Variants in PDK3 observed in about 807,000 individuals in gnomAD.
The protein encoded by PDK3 is pyruvate dehydrogenase kinase, isozyme 3.
A neutral mutation model predicts 32.0 loss-of-function variants in PDK3; 12 were observed. That is an observed-to-expected ratio of 0.37 (90% confidence interval 0.24 to 0.61). The LOEUF (loss-of-function observed/expected upper bound fraction) is 0.61, where lower values mean the gene tolerates loss of function less well. PDK3 is among the 20% of genes least tolerant of loss of function. PDK3 has a pLI of 0.65. For missense variants in PDK3, 188 were observed against 316.9 expected (o/e 0.59, Z 3.09); for synonymous variants, 122 against 116.3 (o/e 1.05, Z -0.31).
intron 1 of PDK3, among the ~76,000 whole-genome samples, chrX:24,489,280 A>G (rs182213359): frequency 2.4e-4 from 27 of 112,290 alleles, no homozygotes; most frequent in African/African-American, 8.4e-4. Flanking sequence ...TTATCCTCCT[A>G]TTTAAGCTGA....
intron 5 of PDK3, 27 bp from the exon 6 acceptor site, chrX:24,518,906 C>G: frequency 6.7e-6 from 7 of 1,042,695 alleles, no homozygotes; most frequent in Non-Finnish European, 9.3e-6. Flanking sequence ...ATTAGTACAG[C>G]AGCTAAACTT....
Position 24,503,003 on chromosome X carries a change from AC to A in PDK3, c.321-323del, listed in dbSNP as rs1212788214. The stretch of plus-strand genomic sequence containing the variant: ...GATATGTTCTGCAATTCTTTATTCA[AC>A]TTTTATAGAACCTGTGTTATATGCA... On this transcript the variant is annotated intron_variant, in intron 3 of 10. Coordinates refer to ENST00000379162, the MANE Select transcript of PDK3 (RefSeq NM_005391.5). Among the ~76,000 whole-genome samples, 4 of 109,234 alleles carry A rather than the reference AC, an allele frequency of 3.7e-5. No individual in the cohort carries two copies. In the East Asian group the frequency reaches 1.1e-3, roughly 31 times the overall value. The allele number at this position is 109,234 out of a possible 115,157, so 94.9% of individuals were successfully genotyped here.
downstream of PDK3, among the ~76,000 whole-genome samples, chrX:24,536,854 A>G (rs1192840435): frequency 1.8e-5 from 2 of 111,176 alleles, no homozygotes; most frequent in African/African-American, 6.5e-5. Flanking sequence ...CACATAGTCT[A>G]TACTCTTTTT....
At chrX:24,534,600 C>A (rs1320605379), downstream of PDK3, among the ~76,000 whole-genome samples, 1 of 112,370 alleles carries the variant, frequency 8.9e-6, no homozygotes, top group Non-Finnish European at 1.9e-5. Context: ...GATGCTTGCA[C>A]AACAGCGTGA....
In PDK3 at chrX:24,528,597, G is replaced by A. The variant is rs557680447; in HGVS notation, c.963+411G>A. On this transcript the variant is annotated intron_variant, in intron 9 of 10. Coordinates refer to ENST00000379162, the MANE Select transcript of PDK3 (RefSeq NM_005391.5). The stretch of plus-strand genomic sequence containing the variant: ...TCTGGCGTGCGTACCACAGAGGCGC[G>A]AATCACCTAGTGCCTTGGAATCTCC... 6.2e-5 allele frequency among the ~76,000 whole-genome samples: 7 copies of A among 112,697 alleles called. No homozygotes were observed. In the South Asian group the frequency reaches 2.2e-3, roughly 35 times the overall value.
intron 2 of PDK3, among the ~76,000 whole-genome samples, chrX:24,496,754 G>T (rs1921719911): frequency 1.0e-5 from 1 of 95,825 alleles, no homozygotes; most frequent in South Asian, 5.4e-4. Flanking sequence ...CTGTCAGGCT[G>T]GGAACCTCAA....
intron 3 of PDK3, among the ~76,000 whole-genome samples, chrX:24,503,098 T>C (rs1365670542): frequency 8.9e-6 from 1 of 112,182 alleles, no homozygotes; most frequent in African/African-American, 3.2e-5. Flanking sequence ...CTAGAACCTT[T>C]TACTTTTTGC....
intron 6 of PDK3, among the ~76,000 whole-genome samples, chrX:24,520,283 C>A (rs1419613409): frequency 1.8e-5 from 2 of 112,268 alleles, no homozygotes; most frequent in East Asian, 5.5e-4. Flanking sequence ...AGTTAGAAAA[C>A]AACCCAAATT....
At position 24,506,202 on chromosome X, in the gene PDK3, C is replaced by G. The variant is rs763936066; in HGVS notation, c.595+904C>G. Among the ~76,000 whole-genome samples the G allele has an allele frequency of 3.6e-5, 4 of 111,827 alleles. 1 individual carries two copies. The South Asian group carries it at 1.5e-3, about 42-fold the overall frequency. On this transcript the variant is annotated intron_variant, in intron 5 of 10. Coordinates refer to ENST00000379162, the MANE Select transcript of PDK3 (RefSeq NM_005391.5). ...CTTAGCCTAGGATTGTCTGGCTGCC[C>G]TGGCCTCTGTTGAGTCACAACAGAT...
rs201105475 is a variant in PDK3, at chrX:24,501,055, C to T, written c.320+2155C>T. Among the ~76,000 whole-genome samples the T allele has an allele frequency of 2.2e-4, 10 of 45,725 alleles. No homozygotes were observed. In the South Asian group the frequency reaches 8.5e-3, roughly 39 times the overall value. The allele number at this position is 45,725 out of a possible 115,157, so 39.7% of individuals were successfully genotyped here. A position where few individuals can be genotyped will look rare whatever the true frequency, so the allele number is the denominator to read the frequency against. Reference sequence around the variant, plus strand: ...GTTTTACATCTTTATTGTCATTGTACGTATGTATTTGTTACAGAAATATTT... The same window carrying T: ...GTTTTACATCTTTATTGTCATTGTATGTATGTATTTGTTACAGAAATATTT... On this transcript the variant is annotated intron_variant, in intron 3 of 10. Coordinates refer to ENST00000379162, the MANE Select transcript of PDK3 (RefSeq NM_005391.5).
intron 1 of PDK3, among the ~76,000 whole-genome samples, chrX:24,482,285 C>T (rs1921280974): frequency 8.9e-6 from 1 of 111,821 alleles, no homozygotes; most frequent in South Asian, 3.8e-4. Context: ...TCTTGGCTCA[C>T]TGCAACCTCC....
intron 10 of PDK3, 33 bp from the exon 11 acceptor site, chrX:24,533,896 G>A (rs951114844): frequency 7.8e-6 from 9 of 1,154,636 alleles, no homozygotes; most frequent in Admixed American, 2.6e-5. Flanking sequence ...TGACACTGTC[G>A]ACCTTTGGTG....
chrX:24,491,861 A>C (rs1207705225), intron 1 of PDK3, among the ~76,000 whole-genome samples: 1 of 110,980 alleles, frequency 9.0e-6, no homozygotes, highest in Non-Finnish European at 1.9e-5. Flanking sequence ...ACTTGAGCCC[A>C]GGAGGTTGAG....
At chrX:24,499,479 A>G (rs1921800187) in intron 3 of PDK3, among the ~76,000 whole-genome samples, 1 of 111,997 alleles carries the variant, frequency 8.9e-6, no homozygotes, top group African/African-American at 3.2e-5. Flanking sequence ...AAGAGAAATT[A>G]AATATCCCTT....
intron 1 of PDK3, among the ~76,000 whole-genome samples, chrX:24,484,545 A>T (rs1356010151): frequency 1.8e-5 from 2 of 111,856 alleles, no homozygotes; most frequent in African/African-American, 3.3e-5. Flanking sequence ...GTGCAGATAT[A>T]TGTTTCAAAA....
At chrX:24,524,377 A>G (rs1259162689) in intron 6 of PDK3, among the ~76,000 whole-genome samples, 1 of 111,927 alleles carries the variant, frequency 8.9e-6, no homozygotes, top group Non-Finnish European at 1.9e-5. Flanking sequence ...GGAAGTAGGT[A>G]TGGAAGCTTC....
At chrX:24,486,108 C>T (rs1274541833) in intron 1 of PDK3, among the ~76,000 whole-genome samples, 1 of 111,705 alleles carries the variant, frequency 9.0e-6, no homozygotes, top group African/African-American at 3.3e-5. Flanking sequence ...GAGCAGGAGT[C>T]GAAATTTCCT....
chrX:24,532,467 A>G lies in PDK3; in HGVS notation c.1077+697A>G, dbSNP rs1251456668. Among the ~76,000 whole-genome samples the G allele has an allele frequency of 8.0e-5, 9 of 112,142 alleles. No individual in the cohort carries two copies. The East Asian group carries it at 2.0e-3, about 24-fold the overall frequency. ...TCAGTAATCATAATATGGTTATGTA[A>G]AAGATTCATTTAATAACAAACTTCT... On this transcript the variant is annotated intron_variant, in intron 10 of 10. Coordinates refer to ENST00000379162, the MANE Select transcript of PDK3 (RefSeq NM_005391.5).
Position 24,479,323 on chromosome X carries a change from C to T in PDK3, c.106+13762C>T, listed in dbSNP as rs1921191160. Among the ~76,000 whole-genome samples the T allele has an allele frequency of 3.6e-5, 4 of 112,222 alleles. No individual in the cohort carries two copies. The South Asian group carries it at 1.5e-3, about 41-fold the overall frequency. ...TCTTCTGGGAGGAAGCTGCTTGTCT[C>T]AGGGAGTCTCCTGTTCTCTAGAAAT... On this transcript the variant is annotated intron_variant, in intron 1 of 10. Transcript: ENST00000379162.
Sources: allele counts gnomAD v4.1 joint callset (sites outside exome capture counted in the v4.1 genomes callset), GRCh38; gene constraint gnomAD v4.1.1; transcripts MANE v1.5; gene names NCBI Gene and HGNC (gene_info 2026-07-23, HGNC 2026-07-21).